The following SOBP variants were observed in gnomAD, a reference collection of about 807,000 sequenced individuals.
SOBP encodes the protein sine oculis-binding protein homolog.
SOBP carries 4 observed loss-of-function variants against 53.6 expected under a neutral mutation model. The observed-to-expected ratio is 0.07, with a 90% CI of 0.04 to 0.17. SOBP has a LOEUF of 0.17. SOBP is among the 10% of genes least tolerant of loss of function. The pLI is 1.00. For missense variants in SOBP, 1,088 were observed against 1,204.7 expected (o/e 0.90, Z 1.43); for synonymous variants, 584 against 522.6 (o/e 1.12, Z -1.60).
chr6:107,513,737 AAAAG>A (rs1195586468), intron 3 of SOBP, among the ~76,000 whole-genome samples: 8 of 151,366 alleles, frequency 5.3e-5, no homozygotes, highest in Non-Finnish European at 1.0e-4. Context: ...AAAAAAAAAA[AAAAG>A]AAAGAAAAAG....
rs772898574 is a variant in SOBP at position 107,633,931 on chromosome 6, C to A, written c.1087C>A (p.Pro363Thr). Residue 363 changes from proline (P) to threonine (T), a missense_variant, in exon 6 of 7, where the codon CCT becomes ACT. Physicochemically the swap from Pro to Thr is conservative, Grantham distance 38. Transcript: ENST00000317357. ...IPISETPNIPPVSVQPPASIG... is the reference protein window; with the variant it reads ...IPISETPNIPTVSVQPPASIG... ...CATCAGCGAGACTCCAAATATCCCTCCTGTCTCCGTCCAGCCACCTGCTAG... is the reference window on the plus strand; with the variant it reads ...CATCAGCGAGACTCCAAATATCCCTACTGTCTCCGTCCAGCCACCTGCTAG... 2 of 1,614,222 alleles carry A rather than the reference C, an allele frequency of 1.2e-6. No homozygotes were observed. Among genetic ancestry groups the A allele is most frequent in the South Asian group, 2.2e-5 (2 of 91,084 alleles).
intron 6 of SOBP, among the ~76,000 whole-genome samples, chr6:107,650,696 C>A (rs183047478): frequency 1.5e-4 from 23 of 152,278 alleles, no homozygotes; most frequent in Admixed American, 3.3e-4. Context: ...CCATCTTTCT[C>A]CTTCTCCTTG....
chr6:107,608,777 G>A (rs1220682077), intron 5 of SOBP, among the ~76,000 whole-genome samples: 1 of 152,228 alleles, frequency 6.6e-6, no homozygotes, highest in East Asian at 1.9e-4. Flanking sequence ...GAACTCAAGA[G>A]ACAACAGAAA....
At chr6:107,651,985 C>T (rs921510932) in intron 6 of SOBP, among the ~76,000 whole-genome samples, 4 of 152,212 alleles carry the variant, frequency 2.6e-5, no homozygotes, top group African/African-American at 9.6e-5. Context: ...TAAAACATTA[C>T]TGCTTATTGA....
intron 3 of SOBP, chr6:107,515,152 C>T (rs1414477834): frequency 2.0e-5 from 3 of 152,158 alleles, no homozygotes; most frequent in African/African-American, 7.2e-5. Context: ...ATTAGTTTAA[C>T]TTACCAAAAC....
chr6:107,565,456 G>A (rs1383960401), intron 4 of SOBP, among the ~76,000 whole-genome samples: 2 of 151,494 alleles, frequency 1.3e-5, no homozygotes, highest in Admixed American at 6.6e-5. Flanking sequence ...GCAAAGGATT[G>A]GACCCAGATT....
intron 4 of SOBP, among the ~76,000 whole-genome samples, chr6:107,561,373 A>G (rs893431618): frequency 2.0e-5 from 3 of 152,228 alleles, no homozygotes; most frequent in African/African-American, 4.8e-5. Flanking sequence ...AGATGTGTGG[A>G]CAATTTCTCC....
At chr6:107,500,931 T>C (rs1289884557) in intron 1 of SOBP, among the ~76,000 whole-genome samples, 9 of 152,316 alleles carry the variant, frequency 5.9e-5, no homozygotes, top group Non-Finnish European at 1.3e-4. Context: ...CAAAAAATTT[T>C]GGTGTTCGTT....
chr6:107,522,024 C>G (rs1783514906), intron 3 of SOBP, among the ~76,000 whole-genome samples: 2 of 151,604 alleles, frequency 1.3e-5, no homozygotes, highest in African/African-American at 4.9e-5. Flanking sequence ...GGTTTGGGGT[C>G]AGGGAAGGTC....
chr6:107,610,494 C>T (rs779805745), intron 5 of SOBP, among the ~76,000 whole-genome samples: 8 of 152,128 alleles, frequency 5.3e-5, no homozygotes, highest in African/African-American at 1.4e-4. Flanking sequence ...GGCCTTTGCT[C>T]GGAAGGTCCT....
chr6:107,508,668 T>C (rs570115850), intron 3 of SOBP, among the ~76,000 whole-genome samples: 103 of 152,360 alleles, frequency 6.8e-4, no homozygotes, highest in African/African-American at 2.4e-3. Context: ...GTAATTGTGT[T>C]TGTCTACTAA....
intron 4 of SOBP, among the ~76,000 whole-genome samples, chr6:107,549,276 C>T (rs1286435862): frequency 1.3e-5 from 2 of 151,662 alleles, no homozygotes; most frequent in Non-Finnish European, 2.9e-5. Context: ...CAAAAACAAA[C>T]AAACAAACAA....
intron 6 of SOBP, among the ~76,000 whole-genome samples, chr6:107,651,779 A>G (rs1004668659): frequency 6.6e-5 from 10 of 152,178 alleles, no homozygotes; most frequent in Non-Finnish European, 1.3e-4. Flanking sequence ...GCTGCCGGTG[A>G]CCTTAAGTGG....
At chr6:107,558,263 T>C (rs1784671807) in intron 4 of SOBP, 1 of 151,964 alleles carries the variant, frequency 6.6e-6, no homozygotes, top group Admixed American at 6.6e-5. Flanking sequence ...TTCATAAAGA[T>C]CTAGTTCTTT....
chr6:107,549,302 A>C (rs1050984084), intron 4 of SOBP, among the ~76,000 whole-genome samples: 10 of 152,070 alleles, frequency 6.6e-5, no homozygotes, highest in Admixed American at 1.3e-4. Flanking sequence ...ACAAAAAAAA[A>C]CAGATAAATC....
chr6:107,606,571 G>A (rs1352569652), intron 5 of SOBP, among the ~76,000 whole-genome samples: 1 of 152,152 alleles, frequency 6.6e-6, no homozygotes, highest in Non-Finnish European at 1.5e-5. Flanking sequence ...CAGCTGTGGG[G>A]GAAAAGGCGA....
intron 6 of SOBP, among the ~76,000 whole-genome samples, chr6:107,645,074 G>C (rs923027352): frequency 1.2e-4 from 19 of 152,230 alleles, no homozygotes; most frequent in African/African-American, 4.6e-4. Flanking sequence ...ACTGGTTCAG[G>C]GTTCTCATCC....
At position 107,570,016 on chromosome 6, in the gene SOBP, T is replaced by G. The variant is rs185048362; in HGVS notation, c.574-17064T>G. Among the ~76,000 whole-genome samples the G allele has an allele frequency of 9.2e-5, 14 of 152,302 alleles. 1 individual carries two copies. The East Asian group carries it at 2.7e-3, about 29-fold the overall frequency. ...TGAAGGGCAGGTGTAGGGTCTCAGT[T>G]GCCCTTCCAGGAAGAGAGAAGTAAG... is the stretch of plus-strand genomic sequence containing the variant. On this transcript the variant is annotated intron_variant, in intron 4 of 6. Coordinates refer to ENST00000317357, the MANE Select transcript of SOBP (RefSeq NM_018013.4).
rs533077964 is a variant in SOBP, at chr6:107,577,995, A to AC, written c.574-9083dup. Among the ~76,000 whole-genome samples, 52 of 151,432 alleles carry AC rather than the reference A, an allele frequency of 3.4e-4. No individual in the cohort carries two copies. In the East Asian group the frequency reaches 7.6e-3, roughly 22 times the overall value. The stretch of plus-strand genomic sequence containing the variant: ...AGGCTGAGGCAGGAGAATGGCGTGA[A>AC]CCGGGGAGGCGAAGCTTGCAGTGAG... On this transcript the variant is annotated intron_variant, in intron 4 of 6. Transcript: ENST00000317357.
Sources: allele counts gnomAD v4.1 joint callset (sites outside exome capture counted in the v4.1 genomes callset), GRCh38; gene constraint gnomAD v4.1.1; transcripts MANE v1.5; gene names NCBI Gene and HGNC (gene_info 2026-07-23, HGNC 2026-07-21).